The following WEE1 variants were observed in gnomAD, a reference collection of about 807,000 sequenced individuals.
WEE1 encodes the protein wee1-like protein kinase.
In WEE1, 16 loss-of-function variants were observed where a neutral mutation model predicts 68.8. The observed-to-expected ratio is 0.23, with a 90% CI of 0.16 to 0.35. The LOEUF (loss-of-function observed/expected upper bound fraction) is 0.35, where lower values mean the gene tolerates loss of function less well. Ranked by LOEUF, WEE1 falls within the 10% of genes least tolerant of loss-of-function variation. WEE1 has a pLI of 1.00. For missense variants in WEE1, 651 were observed against 824.1 expected (o/e 0.79, Z 2.57); for synonymous variants, 349 against 318.7 (o/e 1.09, Z -1.01).
rs377274614 is a variant in WEE1 at position 9,586,782 on chromosome 11, C to T, written c.1713C>T (p.Ser571=). 22 of 1,613,832 alleles carry T rather than the reference C, an allele frequency of 1.4e-5. No individual in the cohort carries two copies. The highest frequency in any genetic ancestry group is 1.2e-4 in the African/African-American group (9 of 74,906). Residue 571 remains serine (S), a synonymous_variant, in exon 10 of 11, where the codon TCC becomes TCT. Transcript: ENST00000450114. ...MALVKHSVLL[S]ASRKSAEQLR... ...TGGTAAAGCATTCAGTATTGCTGTC[C>T]GCTTCTAGAAAGAGTGCAGAACAAT...
intron 8 of WEE1, 147 bp from the exon 9 acceptor site, chr11:9,586,302 T>G (rs952698033): frequency 3.0e-6 from 2 of 665,112 alleles, no homozygotes; most frequent in African/African-American, 3.6e-5. Flanking sequence ...AATTTAGCAG[T>G]TTATTCTCTG....
At chr11:9,583,341 G>A (rs777702879) in intron 6 of WEE1, among the ~76,000 whole-genome samples, 4 of 151,756 alleles carry the variant, frequency 2.6e-5, no homozygotes, top group East Asian at 2.0e-4. Flanking sequence ...TTCGCCGGGC[G>A]TGGTGCCTCA....
intron 5 of WEE1, chr11:9,579,137 C>A (rs373344131): frequency 1.3e-5 from 2 of 152,242 alleles, no homozygotes; most frequent in East Asian, 3.9e-4. Context: ...GAACCCTGAC[C>A]TCGTGATCCA....
chr11:9,585,623 T>C (rs2134356254), intron 8 of WEE1, 96 bp downstream of exon 8: 1 of 999,838 alleles, frequency 1.0e-6, no homozygotes, highest in East Asian at 2.8e-5. Flanking sequence ...TGAAGTTAAC[T>C]AATAGAATGG....
At chr11:9,585,114 T>G in intron 6 of WEE1, 144 bp from the exon 7 acceptor site, 7 of 670,406 alleles carry the variant, frequency 1.0e-5, no homozygotes, top group Non-Finnish European at 1.5e-5. Context: ...TTCTGTCCCC[T>G]GAGATGCTTA....
intron 1 of WEE1, 76 bp from the exon 2 acceptor site, chr11:9,575,812 C>T (rs1175355397): frequency 4.6e-6 from 6 of 1,297,416 alleles, no homozygotes; most frequent in Non-Finnish European, 1.1e-6. Context: ...ATGAAAGGCT[C>T]GTTGAAGGTT....
intron 5 of WEE1, chr11:9,577,562 G>C: frequency 2.8e-6 from 1 of 355,546 alleles, no homozygotes; most frequent in South Asian, 2.6e-5. Flanking sequence ...CTAGCGTAGT[G>C]TGTGAAGCAT....
Position 9,574,210 on chromosome 11 carries a change from C to G in WEE1, c.277C>G (p.Leu93Val). The change falls in exon 1 of 11, where the codon CTG (leucine) becomes GTG (valine). Residue 93 changes from leucine to valine, a missense_variant. Coordinates refer to ENST00000450114, the MANE Select transcript of WEE1 (RefSeq NM_003390.4). This position sits in a 1 kb window ranked among gnomAD's most constrained non-coding sequence, Gnocchi z 4.9. ...CAGCCCCGGCGAGCTGGAGGAGGACCTGTTGCTGCCCGGCGCCTGCCCGGG... is the reference window on the plus strand; with the variant it reads ...CAGCCCCGGCGAGCTGGAGGAGGACGTGTTGCTGCCCGGCGCCTGCCCGGG... ...PGSPGELEED[L>V]LLPGACPGAD... 8.5e-7 allele frequency: 1 copy of G among 1,181,984 alleles called. No individual in the cohort carries two copies. Among genetic ancestry groups the G allele is most frequent in the Non-Finnish European group, 1.0e-6 (1 of 955,994 alleles). 73.2% of individuals were successfully genotyped at this position (1,181,984 alleles called of 1,614,324 possible).
intron 5 of WEE1, 21 bp from the exon 6 acceptor site, chr11:9,581,511 A>G (rs1849628006): frequency 1.9e-6 from 3 of 1,577,158 alleles, no homozygotes; most frequent in Middle Eastern, 2.3e-4. Context: ...AGAAAATGCT[A>G]ATATTTTCTA....
rs970346471 is a variant in WEE1, at chr11:9,581,731, T to C, written c.1288+53T>C. On this transcript the variant is annotated intron_variant, in intron 6 of 10. Transcript: ENST00000450114. Reference sequence around the variant, plus strand: ...GTTCTTTGGGGTTATAGAGAATAAATTACTTCATTATGACAACATTGAAAA... The same window carrying C: ...GTTCTTTGGGGTTATAGAGAATAAACTACTTCATTATGACAACATTGAAAA... 4 of 1,514,318 alleles carry C rather than the reference T, an allele frequency of 2.6e-6. No homozygotes were observed. The African/African-American group carries it at 5.7e-5, about 22-fold the overall frequency. The allele number at this position is 1,514,318 out of a possible 1,614,324, so 93.8% of individuals were successfully genotyped here.
chr11:9,576,560 C>G lies in WEE1; in HGVS notation c.920C>G (p.Ser307Cys). The G allele has an allele frequency of 6.2e-7, 1 of 1,613,996 alleles. No homozygotes were observed. Residue 307 changes from serine (S) to cysteine (C), a missense_variant, in exon 4 of 11, where the codon TCT becomes TGT. Ser to Cys is a moderately radical substitution (Grantham distance 112). Coordinates refer to ENST00000450114, the MANE Select transcript of WEE1 (RefSeq NM_003390.4). The surrounding 1 kb of genome is among the most constrained non-coding windows in gnomAD (Gnocchi z 4.3). Reference protein sequence around the residue: ...TEFHELEKIGSGEFGSVFKCV... With the variant: ...TEFHELEKIGCGEFGSVFKCV... ...TTTCATGAGCTAGAGAAAATCGGCT[C>G]TGGAGAATTTGGTTCTGTATTTAAG...
rs980980270 is a variant in WEE1, at chr11:9,574,869, A to G, written c.576+360A>G. Reference sequence around the variant, plus strand: ...GAGGGTGCCGGCCCGGCCACCTGACACTCCCGAGCCATAGGATGCCTTTTA... The same window carrying G: ...GAGGGTGCCGGCCCGGCCACCTGACGCTCCCGAGCCATAGGATGCCTTTTA... On this transcript the variant is annotated intron_variant, in intron 1 of 10. Coordinates refer to ENST00000450114, the MANE Select transcript of WEE1 (RefSeq NM_003390.4). This position sits in a 1 kb window ranked among gnomAD's most constrained non-coding sequence, Gnocchi z 4.9. 1.0e-6 allele frequency: 1 copy of G among 986,890 alleles called. No individual in the cohort carries two copies. Among genetic ancestry groups the G allele is most frequent in the African/African-American group, 1.8e-5 (1 of 56,998 alleles). The allele number at this position is 986,890 out of a possible 1,614,324, so 61.1% of individuals were successfully genotyped here. A position where few individuals can be genotyped will look rare whatever the true frequency, so the allele number is the denominator to read the frequency against.
rs1201221715 is a variant in WEE1, at chr11:9,573,952, C to A, written c.19C>A (p.Gln7Lys). 6 of 1,291,620 alleles carry A rather than the reference C, an allele frequency of 4.6e-6. No homozygotes were observed. Among genetic ancestry groups the A allele is most frequent in the South Asian group, 2.3e-5 (1 of 43,688 alleles). The allele number at this position is 1,291,620 out of a possible 1,614,324, so 80.0% of individuals were successfully genotyped here. MSFLSRQQPPPPRRAGA... is the reference protein window; with the variant it reads MSFLSRKQPPPPRRAGA... ...GGCCGCGATGAGCTTCCTGAGCCGACAGCAGCCGCCGCCACCCCGCCGCGC... is the reference window on the plus strand; with the variant it reads ...GGCCGCGATGAGCTTCCTGAGCCGAAAGCAGCCGCCGCCACCCCGCCGCGC... The change falls in exon 1 of 11, where the codon CAG (glutamine) becomes AAG (lysine). Residue 7 changes from glutamine (Q) to lysine (K), a missense_variant. Around this residue, in one of 5 missense-constraint regions of WEE1, gnomAD observed 395 missense variants for 378.4 expected, o/e 1.04. Transcript: ENST00000450114.
chr11:9,578,691 A>G (rs889392258), intron 5 of WEE1: 2 of 152,052 alleles, frequency 1.3e-5, no homozygotes, highest in South Asian at 2.1e-4. Flanking sequence ...AGAATAGTTC[A>G]TTAGTAGTCC....
chr11:9,588,256 C>G (rs1275225371), intron 10 of WEE1, among the ~76,000 whole-genome samples, 193 bp from the exon 11 acceptor site: 1 of 152,078 alleles, frequency 6.6e-6, no homozygotes, highest in Non-Finnish European at 1.5e-5. Context: ...TACTGTAATT[C>G]AAAAAGCATA....
chr11:9,577,896 G>T (rs1030091006), intron 5 of WEE1: 5 of 456,040 alleles, frequency 1.1e-5, no homozygotes, highest in Admixed American at 9.4e-5. Flanking sequence ...TTCAGTTTCG[G>T]TAAGTCCTTC....
At chr11:9,578,877 GTTTTTATT>G in intron 5 of WEE1, 1 of 107,370 alleles carries the variant, frequency 9.3e-6, no homozygotes, top group Non-Finnish European at 1.9e-5. Context: ...TTGAAAATAA[GTTTTTATT>G]TATTTATTTA....
rs113424788 is a variant in WEE1 at position 9,574,772 on chromosome 11, C to G, written c.576+263C>G. On this transcript the variant is annotated intron_variant, in intron 1 of 10. Transcript: ENST00000450114. This position sits in a 1 kb window ranked among gnomAD's most constrained non-coding sequence, Gnocchi z 4.9. The stretch of plus-strand genomic sequence containing the variant: ...TCCGGGTGGCCAAGGATTTGCCGCC[C>G]GTTGAGTCCGGGCCGCCCCGAGCGT... 15 of 1,015,000 alleles carry G rather than the reference C, an allele frequency of 1.5e-5. No individual in the cohort carries two copies. In the South Asian group the frequency reaches 2.3e-4, roughly 16 times the overall value. The allele number at this position is 1,015,000 out of a possible 1,614,324, so 62.9% of individuals were successfully genotyped here.
At position 9,573,849 on chromosome 11, in the gene WEE1, G is replaced by C; in HGVS notation, c.-85G>C. 1 of 1,133,220 alleles carries C rather than the reference G, an allele frequency of 8.8e-7. No homozygotes were observed. Among genetic ancestry groups the C allele is most frequent in the Non-Finnish European group, 1.1e-6 (1 of 910,200 alleles). 70.2% of individuals were successfully genotyped at this position (1,133,220 alleles called of 1,614,324 possible). A position where few individuals can be genotyped will look rare whatever the true frequency, so the allele number is the denominator to read the frequency against. ...TGCGACTAGGCGCGCCCAGCCGCAC[G>C]TGGCGGACCCGCCCCCAGGCCCGCA... On this transcript the variant is annotated 5_prime_UTR_variant, in exon 1 of 11. Coordinates refer to ENST00000450114, the MANE Select transcript of WEE1 (RefSeq NM_003390.4).
Sources: gnomAD v4.1 joint callset for allele counts (sites outside exome capture counted in the v4.1 genomes callset) on GRCh38, gnomAD v4.1.1 for gene constraint, gnomAD v4.1.1 regional missense constraint, Gnocchi (gnomAD v3.1) non-coding constraint, MANE v1.5 for transcripts, NCBI Gene and HGNC (gene_info 2026-07-23, HGNC 2026-07-21) for gene names.